The following PAPPA variants were observed in gnomAD, a reference collection of about 807,000 sequenced individuals.
PAPPA encodes pappalysin 1.
Under a neutral mutation model 164.0 loss-of-function variants are expected in PAPPA, and 60 were observed. The observed-to-expected ratio is 0.37, with a 90% CI of 0.30 to 0.45. The LOEUF (loss-of-function observed/expected upper bound fraction) is 0.45, where lower values mean the gene tolerates loss of function less well. PAPPA is among the 20% of genes least tolerant of loss of function. The pLI is 1.00. For synonymous variants in PAPPA, 875 were observed against 814.1 expected (o/e 1.07, Z -1.27); for missense variants, 1,782 against 2,087.3 (o/e 0.85, Z 2.85).
At chr9:116,269,642 A>T (rs1845114860) in intron 8 of PAPPA, among the ~76,000 whole-genome samples, 1 of 152,232 alleles carries the variant, frequency 6.6e-6, no homozygotes, top group African/African-American at 2.4e-5. Context: ...TAGATCTGTC[A>T]TGCCTAGAAG....
At chr9:116,291,305 A>C (rs1277317317) in intron 9 of PAPPA, among the ~76,000 whole-genome samples, 1 of 152,202 alleles carries the variant, frequency 6.6e-6, no homozygotes, top group Admixed American at 6.5e-5. Flanking sequence ...ATAAAACAAT[A>C]TATAAGACAG....
At chr9:116,163,828 G>A (rs570628293) in intron 1 of PAPPA, among the ~76,000 whole-genome samples, 1 of 152,132 alleles carries the variant, frequency 6.6e-6, no homozygotes, top group African/African-American at 2.4e-5. Context: ...CTGCTCCATT[G>A]GTGGATACTC....
At chr9:116,337,448 C>T (rs762507820) in intron 13 of PAPPA, among the ~76,000 whole-genome samples, 21 of 152,332 alleles carry the variant, frequency 1.4e-4, no homozygotes, top group African/African-American at 4.6e-4. Context: ...TAAGCAACAA[C>T]TGTAAAGAAC....
intron 1 of PAPPA, among the ~76,000 whole-genome samples, chr9:116,156,109 ATT>A (rs35362408): frequency 2.3e-3 from 316 of 137,886 alleles, no homozygotes; most frequent in African/African-American, 7.6e-3. Context: ...CTTGGAGGTG[ATT>A]TTTTTTTTTT....
At chr9:116,355,185 T>C (rs7865534) in intron 17 of PAPPA, among the ~76,000 whole-genome samples, 23,008 of 81,608 alleles carry the variant, frequency 0.28, 1,942 homozygotes, top group Admixed American at 0.34. Flanking sequence ...TCACTGCATC[T>C]GCACCCTTCC....
intron 18 of PAPPA, among the ~76,000 whole-genome samples, chr9:116,364,003 T>A (rs1015129543): frequency 6.6e-6 from 1 of 152,238 alleles, no homozygotes. Flanking sequence ...TAAGATCTTA[T>A]ACAGCCACCA....
At chr9:116,212,731 A>G (rs954727955) in intron 4 of PAPPA, among the ~76,000 whole-genome samples, 7 of 152,204 alleles carry the variant, frequency 4.6e-5, no homozygotes, top group Admixed American at 3.9e-4. Flanking sequence ...GGAAGAAGTA[A>G]AGAAAGAAAG....
At chr9:116,284,861 C>T (rs2118849906) in intron 9 of PAPPA, among the ~76,000 whole-genome samples, 1 of 152,238 alleles carries the variant, frequency 6.6e-6, no homozygotes, top group African/African-American at 2.4e-5. Context: ...GCCCCATGAT[C>T]ATTACTCTAC....
intron 1 of PAPPA, among the ~76,000 whole-genome samples, chr9:116,171,645 G>T (rs901881663): frequency 6.6e-6 from 1 of 152,176 alleles, no homozygotes; most frequent in African/African-American, 2.4e-5. Context: ...TGAACAGTGG[G>T]TATCACTGGC....
chr9:116,284,818 G>A (rs1030778750), intron 9 of PAPPA, among the ~76,000 whole-genome samples: 3 of 151,972 alleles, frequency 2.0e-5, no homozygotes, highest in Admixed American at 6.6e-5. Context: ...CTTTGAAAAC[G>A]TTATCTTGTC....
chr9:116,297,405 A>G (rs1845523187), intron 9 of PAPPA, among the ~76,000 whole-genome samples: 2 of 152,192 alleles, frequency 1.3e-5, no homozygotes, highest in Non-Finnish European at 2.9e-5. Context: ...TTCCTTGTGA[A>G]AATTATCCCT....
chr9:116,344,419 T>C (rs777385552), intron 13 of PAPPA, 124 bp from the exon 14 acceptor site: 4 of 934,664 alleles, frequency 4.3e-6, no homozygotes, highest in Non-Finnish European at 6.5e-6. Flanking sequence ...CCAGCACCCC[T>C]TTCTGTCCTC....
Position 116,385,461 on chromosome 9 carries a change from A to G in PAPPA, c.4776+2968A>G, listed in dbSNP as rs1185920687. ...GCACCTGACCAGATTCCAAATTATT[A>G]TAGTAACTTTACCGTATACATATAT... On this transcript the variant is annotated intron_variant, in intron 21 of 21. Coordinates refer to ENST00000328252, the MANE Select transcript of PAPPA (RefSeq NM_002581.5). 2.0e-5 allele frequency among the ~76,000 whole-genome samples: 3 copies of G among 152,052 alleles called. No individual in the cohort carries two copies. The East Asian group carries it at 5.8e-4, about 30-fold the overall frequency.
rs201048599 is a variant in PAPPA, at chr9:116,227,521, A to G, written c.2202A>G (p.Pro734=). 1.9e-5 allele frequency: 30 copies of G among 1,614,074 alleles called. No homozygotes were observed. The highest frequency in any genetic ancestry group is 2.5e-5 in the Non-Finnish European group (29 of 1,179,988). The change falls in exon 6 of 22, where the codon CCA becomes CCG. Residue 734 remains proline (P), a synonymous_variant. Coordinates refer to ENST00000328252, the MANE Select transcript of PAPPA (RefSeq NM_002581.5). ...CTTCCTCCCCAATGCCCTGCAGCCCATCAGGACACTGGAGCCCTCGTGAAG... is the reference window on the plus strand; with the variant it reads ...CTTCCTCCCCAATGCCCTGCAGCCCGTCAGGACACTGGAGCCCTCGTGAAG... The part of the protein sequence containing the change: ...SNASSPMPCS[P]SGHWSPREAE...
At chr9:116,215,389 A>G (rs1844357537) in intron 4 of PAPPA, among the ~76,000 whole-genome samples, 1 of 152,198 alleles carries the variant, frequency 6.6e-6, no homozygotes, top group Admixed American at 6.5e-5. Context: ...AAAATGTGGT[A>G]CATATGGAAT....
chr9:116,382,580 C>T (rs970880892), intron 21 of PAPPA, 87 bp downstream of exon 21: 1 of 824,984 alleles, frequency 1.2e-6, no homozygotes, highest in African/African-American at 1.7e-5. Flanking sequence ...GGCTGGACAA[C>T]CCTTGTCCTA....
intron 13 of PAPPA, among the ~76,000 whole-genome samples, chr9:116,342,866 C>A (rs1433143318): frequency 6.6e-6 from 1 of 152,128 alleles, no homozygotes; most frequent in Non-Finnish European, 1.5e-5. Flanking sequence ...GAAGCTTTTA[C>A]TGTTAGGCAG....
At chr9:116,257,529 G>A (rs1268817917) in intron 7 of PAPPA, among the ~76,000 whole-genome samples, 1 of 151,800 alleles carries the variant, frequency 6.6e-6, no homozygotes, top group African/African-American at 2.4e-5. Context: ...GTGAAACCCC[G>A]TCTCTATTAA....
intron 10 of PAPPA, among the ~76,000 whole-genome samples, chr9:116,312,095 A>G (rs548421851): frequency 5.0e-4 from 76 of 152,212 alleles, no homozygotes; most frequent in African/African-American, 1.8e-3. Flanking sequence ...TCCATGGCCC[A>G]TCTAGGAAGA....
Sources: gnomAD v4.1 joint callset for allele counts (sites outside exome capture counted in the v4.1 genomes callset) on GRCh38, gnomAD v4.1.1 for gene constraint, MANE v1.5 for transcripts, NCBI Gene and HGNC (gene_info 2026-07-23, HGNC 2026-07-21) for gene names.